Variants in CENPC observed in about 807,000 individuals in gnomAD.
The protein encoded by CENPC is centromere protein C.
In CENPC, 63 loss-of-function variants were observed where a neutral mutation model predicts 112.1. The ratio of observed to expected loss-of-function variants is 0.56; its 90% CI spans 0.46 to 0.69. The LOEUF (loss-of-function observed/expected upper bound fraction) is 0.69, where lower values mean the gene tolerates loss of function less well. CENPC is among the 30% of genes least tolerant of loss of function. The probability of loss-of-function intolerance (pLI) is 0.00; values close to 1 mark genes in which losing one functional copy is unlikely to be tolerated. For missense variants in CENPC, 1,000 were observed against 1,103.8 expected (o/e 0.91, Z 1.33); for synonymous variants, 333 against 367.6 (o/e 0.91, Z 1.08).
At chr4:67,514,907 A>T (rs1436626589) in intron 7 of CENPC, among the ~76,000 whole-genome samples, 1 of 151,862 alleles carries the variant, frequency 6.6e-6, no homozygotes, top group African/African-American at 2.4e-5. Flanking sequence ...TTAGAGCTAG[A>T]AATCTAGACA....
At chr4:67,545,267 C>T (rs2109841465) in intron 1 of CENPC, 71 bp downstream of exon 1, 1 of 1,419,324 alleles carries the variant, frequency 7.0e-7, no homozygotes, top group Non-Finnish European at 9.3e-7. Context: ...ATTTCCTTCT[C>T]CCCAGCCTCG....
At chr4:67,543,956 TTTC>T (rs1726956694) in intron 2 of CENPC, among the ~76,000 whole-genome samples, 190 bp downstream of exon 2, 1 of 152,228 alleles carries the variant, frequency 6.6e-6, no homozygotes, top group African/African-American at 2.4e-5. Flanking sequence ...ATCAGGTGAA[TTTC>T]TTTTTTCACA....
At chr4:67,537,722 G>A (rs1192576204) in intron 4 of CENPC, among the ~76,000 whole-genome samples, 1 of 152,170 alleles carries the variant, frequency 6.6e-6, no homozygotes, top group Non-Finnish European at 1.5e-5. Context: ...GTACCCCGGA[G>A]GCAGAGGTTG....
intron 12 of CENPC, among the ~76,000 whole-genome samples, chr4:67,501,357 T>C (rs1725585259): frequency 6.6e-6 from 1 of 152,090 alleles, no homozygotes; most frequent in Non-Finnish European, 1.5e-5. Flanking sequence ...TGGGTGAACG[T>C]TGTGTGCCTC....
At chr4:67,513,950 A>T in intron 8 of CENPC, 124 bp downstream of exon 8, 1 of 816,908 alleles carries the variant, frequency 1.2e-6, no homozygotes, top group Non-Finnish European at 1.8e-6. Context: ...AAGAACCTAT[A>T]GGCTTTTCAG....
rs1726119936 is a variant in CENPC at position 67,518,331 on chromosome 4, C to T, written c.655G>A (p.Glu219Lys). ...TCATCTGATACTTTATTATCTATTTCTATTTTCTTTAACATAACTTTATCA... is the reference window on the plus strand; with the variant it reads ...TCATCTGATACTTTATTATCTATTTTTATTTTCTTTAACATAACTTTATCA... ...FDDKVMLKKI[E>K]IDNKVSDEED... Residue 219 changes from glutamate to lysine, a missense_variant, in exon 7 of 19, where the codon GAA becomes AAA. Glu to Lys is a moderately conservative substitution (Grantham distance 56). Transcript: ENST00000273853. The T allele has an allele frequency of 6.5e-7, 1 of 1,533,744 alleles. No homozygotes were observed. The highest frequency in any genetic ancestry group is 1.4e-5 in the African/African-American group (1 of 71,908).
At chr4:67,519,127 T>TA (rs1726143667) in intron 6 of CENPC, 90 bp downstream of exon 6, 1 of 928,512 alleles carries the variant, frequency 1.1e-6, no homozygotes, top group Admixed American at 3.0e-5. Flanking sequence ...TTCCTTAGTG[T>TA]AAAATAATAT....
intron 4 of CENPC, among the ~76,000 whole-genome samples, chr4:67,535,722 T>C (rs987851133): frequency 7.2e-5 from 11 of 152,178 alleles, no homozygotes; most frequent in African/African-American, 2.7e-4. Flanking sequence ...AATTATGATG[T>C]ACTAAAGAAT....
intron 9 of CENPC, chr4:67,510,860 TCGACTCCCAG>T (rs1725874542): frequency 5.3e-6 from 2 of 378,874 alleles, no homozygotes; most frequent in Non-Finnish European, 1.0e-5. Flanking sequence ...CTCCACTTTT[TCGACTCCCAG>T]CTTGATCAAA....
chr4:67,478,138 A>G (rs1724856865), intron 17 of CENPC, among the ~76,000 whole-genome samples: 1 of 152,204 alleles, frequency 6.6e-6, no homozygotes, highest in African/African-American at 2.4e-5. Context: ...GGAAATAATC[A>G]AGGATAACTT....
chr4:67,506,302 A>C (rs1725731410), intron 11 of CENPC, among the ~76,000 whole-genome samples: 1 of 152,172 alleles, frequency 6.6e-6, no homozygotes, highest in Non-Finnish European at 1.5e-5. Flanking sequence ...TGGACTCAAT[A>C]AGTTGTTTCT....
chr4:67,545,191 C>G, intron 1 of CENPC, 147 bp downstream of exon 1: 1 of 715,260 alleles, frequency 1.4e-6, no homozygotes, highest in Non-Finnish European at 2.1e-6. Context: ...CACGATCACA[C>G]TTGATTTCAA....
intron 17 of CENPC, among the ~76,000 whole-genome samples, chr4:67,484,250 T>C (rs1725028658): frequency 6.6e-6 from 1 of 152,210 alleles, no homozygotes; most frequent in Admixed American, 6.5e-5. Flanking sequence ...AGCAACAGGG[T>C]ATCATCCTAT....
At chr4:67,488,129 G>A (rs1193355726) in intron 17 of CENPC, among the ~76,000 whole-genome samples, 2 of 151,568 alleles carry the variant, frequency 1.3e-5, no homozygotes, top group Non-Finnish European at 1.5e-5. Context: ...TTAAATTCTA[G>A]TTAGAAAAAT....
rs1239185926 is a variant in CENPC at position 67,470,724 on chromosome 4, T to G, written c.*1881A>C. 6.6e-6 allele frequency: 1 copy of G among 152,228 alleles called. No homozygotes were observed. The highest frequency in any genetic ancestry group is 1.9e-4 in the East Asian group (1 of 5,200). 9.4% of individuals were successfully genotyped at this position (152,228 alleles called of 1,614,324 possible). A position where few individuals can be genotyped will look rare whatever the true frequency, so the allele number is the denominator to read the frequency against. On this transcript the variant is annotated 3_prime_UTR_variant, in exon 19 of 19. Transcript: ENST00000273853. ...GGTAAAAACTACAGTTTTGTCTGGC[T>G]GTAGCTAACTGAAAAACTAGCAACT...
chr4:67,519,169 A>G (rs769711877), intron 6 of CENPC, 48 bp downstream of exon 6: 11 of 1,397,664 alleles, frequency 7.9e-6, no homozygotes, highest in East Asian at 2.4e-5. Flanking sequence ...TTTAATACAA[A>G]AAGTAAAATT....
At chr4:67,486,344 A>G (rs1725093590) in intron 17 of CENPC, among the ~76,000 whole-genome samples, 2 of 152,192 alleles carry the variant, frequency 1.3e-5, no homozygotes, top group Non-Finnish European at 2.9e-5. Context: ...CTGAAAGATC[A>G]AGTGCTTCTA....
intron 10 of CENPC, 66 bp from the exon 11 acceptor site, chr4:67,507,000 T>C: frequency 8.4e-7 from 1 of 1,193,692 alleles, no homozygotes; most frequent in South Asian, 1.5e-5. Flanking sequence ...CCAGAAACGA[T>C]ACACAGGTGG....
Position 67,523,269 on chromosome 4 carries a change from C to T in CENPC, c.332-3767G>A, listed in dbSNP as rs150109485. ...CAGAAGTTGCAGTGAGCCGAGATCA[C>T]GCCACTGCATTTCAGCCAGGGAGAC... On this transcript the variant is annotated intron_variant, in intron 5 of 18. Transcript: ENST00000273853. Among the ~76,000 whole-genome samples the T allele has an allele frequency of 3.0e-3, 458 of 151,354 alleles. 2 individuals carry two copies. Among genetic ancestry groups the T allele is most frequent in the African/African-American group, 0.01 (417 of 41,150 alleles).
Sources: gnomAD v4.1 joint callset for allele counts (sites outside exome capture counted in the v4.1 genomes callset) on GRCh38, gnomAD v4.1.1 for gene constraint, MANE v1.5 for transcripts, NCBI Gene and HGNC (gene_info 2026-07-23, HGNC 2026-07-21) for gene names.